COG5: variants seen among roughly 807,000 people sequenced by gnomAD.
The protein encoded by COG5 is component of oligomeric golgi complex 5, also known as conserved oligomeric Golgi complex subunit 5.
A neutral mutation model predicts 110.4 loss-of-function variants in COG5; 86 were observed. The ratio of observed to expected loss-of-function variants is 0.78; its 90% confidence interval spans 0.65 to 0.93. The LOEUF (loss-of-function observed/expected upper bound fraction) is 0.93, where lower values mean the gene tolerates loss of function less well. Ranked by LOEUF, COG5 falls within the 40% of genes least tolerant of loss-of-function variation. The pLI is 0.00. For synonymous variants in COG5, 360 were observed against 334.6 expected (o/e 1.08, Z -0.83); for missense variants, 1,077 against 987.0 (o/e 1.09, Z -1.22).
intron 17 of COG5, among the ~76,000 whole-genome samples, chr7:107,237,782 A>G (rs1801312391): frequency 6.6e-6 from 1 of 152,168 alleles, no homozygotes; most frequent in Non-Finnish European, 1.5e-5. Flanking sequence ...GTATCATCAC[A>G]TGATGGAGTG....
At chr7:107,280,553 G>A (rs1004638612) in intron 14 of COG5, among the ~76,000 whole-genome samples, 2 of 151,944 alleles carry the variant, frequency 1.3e-5, no homozygotes, top group African/African-American at 4.8e-5. Flanking sequence ...ACATTCTAAA[G>A]ATAGTGGAGA....
intron 17 of COG5, among the ~76,000 whole-genome samples, chr7:107,247,872 G>A (rs528020128): frequency 3.9e-5 from 6 of 152,258 alleles, no homozygotes; most frequent in Admixed American, 1.3e-4. Context: ...CATAACCTCC[G>A]AGGAAGAAAA....
chr7:107,434,843 G>A (rs1310923053), intron 6 of COG5, among the ~76,000 whole-genome samples: 1 of 151,952 alleles, frequency 6.6e-6, no homozygotes, highest in Non-Finnish European at 1.5e-5. Context: ...GGTGGCAAAT[G>A]CCTGTAGTCC....
At chr7:107,223,931 A>T (rs1231868247) in intron 19 of COG5, among the ~76,000 whole-genome samples, 2 of 152,218 alleles carry the variant, frequency 1.3e-5, no homozygotes, top group African/African-American at 4.8e-5. Flanking sequence ...ATAAATAACC[A>T]AATAATAGTT....
chr7:107,322,771 G>A lies in COG5; in HGVS notation c.1108+1669C>T, dbSNP rs141617314. On this transcript the variant is annotated intron_variant, in intron 11 of 21. Transcript: ENST00000297135. ...ACATATGTCCACAAAAGAGATATATGTATGTAAATAACTGTAACTTTATTC... is the reference window on the plus strand; with the variant it reads ...ACATATGTCCACAAAAGAGATATATATATGTAAATAACTGTAACTTTATTC... Among the ~76,000 whole-genome samples the A allele has an allele frequency of 1.4e-4, 22 of 152,270 alleles. No individual in the cohort carries two copies. The East Asian group carries it at 4.2e-3, about 29-fold the overall frequency.
intron 11 of COG5, among the ~76,000 whole-genome samples, chr7:107,312,956 T>C (rs2117005095): frequency 6.6e-6 from 1 of 152,298 alleles, no homozygotes; most frequent in Middle Eastern, 3.4e-3. Flanking sequence ...TGCTGAGTTC[T>C]GCGATTGTGA....
At chr7:107,258,658 C>T (rs1803077817) in intron 14 of COG5, 1 of 459,392 alleles carries the variant, frequency 2.2e-6, no homozygotes, top group African/African-American at 2.0e-5. Flanking sequence ...TTATACTTCA[C>T]AGCTGATGGA....
intron 17 of COG5, among the ~76,000 whole-genome samples, chr7:107,247,257 T>C (rs1236317885): frequency 1.3e-5 from 2 of 152,126 alleles, no homozygotes; most frequent in Non-Finnish European, 2.9e-5. Flanking sequence ...GCAGAAATGA[T>C]AACTACAGGG....
chr7:107,280,672 G>C (rs1805094625), intron 14 of COG5, among the ~76,000 whole-genome samples: 2 of 151,852 alleles, frequency 1.3e-5, no homozygotes, highest in South Asian at 4.1e-4. Flanking sequence ...ATATACTAGT[G>C]AAATATGTGT....
In COG5 at chr7:107,546,095, C is replaced by A. The variant is rs1182634334; in HGVS notation, c.417+2016G>T. ...TTCGAAAAATTCACCAAAAATTTCT[C>A]AAAAAAAATAAACAACATGCTTATG... is the stretch of plus-strand genomic sequence containing the variant. On this transcript the variant is annotated intron_variant, in intron 5 of 21. Coordinates refer to ENST00000297135, the MANE Select transcript of COG5 (RefSeq NM_006348.5). Among the ~76,000 whole-genome samples, 4 of 151,314 alleles carry A rather than the reference C, an allele frequency of 2.6e-5. No individual in the cohort carries two copies. In the East Asian group the frequency reaches 7.8e-4, roughly 29 times the overall value.
intron 8 of COG5, among the ~76,000 whole-genome samples, chr7:107,363,955 C>CAA (rs34287367): frequency 2.8e-5 from 3 of 109,016 alleles, no homozygotes; most frequent in Non-Finnish European, 2.0e-5. Context: ...AACTCCATCT[C>CAA]AAAAAAAAAA....
At chr7:107,466,450 G>A (rs1796303591) in intron 6 of COG5, among the ~76,000 whole-genome samples, 1 of 152,234 alleles carries the variant, frequency 6.6e-6, no homozygotes, top group Non-Finnish European at 1.5e-5. Flanking sequence ...CAATTTAGGT[G>A]AAGTAGGGAA....
chr7:107,227,451 G>A (rs1013891997), intron 19 of COG5, among the ~76,000 whole-genome samples: 1 of 151,974 alleles, frequency 6.6e-6, no homozygotes, highest in African/African-American at 2.4e-5. Flanking sequence ...TTGATCAAGC[G>A]ATTCTTGATT....
At chr7:107,226,044 A>T (rs1800311941) in intron 19 of COG5, among the ~76,000 whole-genome samples, 1 of 152,092 alleles carries the variant, frequency 6.6e-6, no homozygotes, top group Non-Finnish European at 1.5e-5. Context: ...ACATCATCAC[A>T]CACACACAAA....
chr7:107,227,673 A>C (rs887593692), intron 19 of COG5, among the ~76,000 whole-genome samples: 2 of 151,820 alleles, frequency 1.3e-5, no homozygotes, highest in African/African-American at 4.8e-5. Flanking sequence ...CTGCCTCAGC[A>C]AACAGGAAAC....
At chr7:107,430,553 T>C (rs1793954893) in intron 6 of COG5, among the ~76,000 whole-genome samples, 1 of 152,226 alleles carries the variant, frequency 6.6e-6, no homozygotes, top group African/African-American at 2.4e-5. Context: ...CTCAAGTTGA[T>C]TTTGGCTATT....
intron 1 of COG5, among the ~76,000 whole-genome samples, chr7:107,561,141 T>C (rs905200172): frequency 2.6e-5 from 4 of 152,242 alleles, no homozygotes; most frequent in African/African-American, 9.6e-5. Flanking sequence ...GGATGTGGCA[T>C]TTGAGGGCTG....
intron 6 of COG5, among the ~76,000 whole-genome samples, chr7:107,505,749 G>T (rs77665652): frequency 3.2e-4 from 49 of 152,290 alleles, no homozygotes; most frequent in African/African-American, 1.2e-3. Flanking sequence ...CTCCCGCCTG[G>T]GTTCTTTTGT....
intron 3 of COG5, chr7:107,549,219 C>G (rs1802697619): frequency 6.6e-6 from 1 of 152,146 alleles, no homozygotes; most frequent in South Asian, 2.1e-4. Flanking sequence ...ACATCATATT[C>G]TCTCCACAAC....
Sources: allele counts gnomAD v4.1 joint callset (sites outside exome capture counted in the v4.1 genomes callset), GRCh38; gene constraint gnomAD v4.1.1; transcripts MANE v1.5; gene names NCBI Gene and HGNC (gene_info 2026-07-23, HGNC 2026-07-21).